Variants in TUBAL3 observed in about 807,000 individuals in gnomAD.
TUBAL3 encodes the protein tubulin alpha chain-like 3.
A neutral mutation model predicts 15.5 loss-of-function variants in TUBAL3; 16 were observed. That is an observed-to-expected ratio of 1.04 (90% CI 0.70 to 1.57). TUBAL3 has a LOEUF of 1.57. Among genes scored for constraint, TUBAL3 ranks in the 40% most tolerant of loss-of-function variants. The pLI, the probability that TUBAL3 is intolerant of heterozygous loss-of-function variation, is 0.00. For missense variants in TUBAL3, 609 were observed against 576.2 expected, an observed-to-expected ratio of 1.06 and a Z score of -0.58; for synonymous variants, 238 against 224.3, an observed-to-expected ratio of 1.06 and a Z score of -0.55.
At position 5,397,697 on chromosome 10, in the gene TUBAL3, C is replaced by T. The variant is rs781948598; in HGVS notation, c.248-2222G>A. On this transcript the variant is annotated intron_variant, in intron 2 of 3. Transcript: ENST00000380419. The surrounding 1 kb of genome is among the most constrained non-coding windows in gnomAD (Gnocchi z 4.9). ...GACATCAATGGCTTTTGAACAATTA[C>T]ATGATGGCTCCTTAGCTTCCTTAAC... 1.3e-5 allele frequency among the ~76,000 whole-genome samples: 2 copies of T among 152,180 alleles called. No individual in the cohort carries two copies. Among genetic ancestry groups the T allele is most frequent in the South Asian group, 2.1e-4 (1 of 4,834 alleles).
At position 5,395,078 on chromosome 10, in the gene TUBAL3, A is replaced by G. The variant is rs1831742660; in HGVS notation, c.396+249T>C. On this transcript the variant is annotated intron_variant, in intron 3 of 3. Transcript: ENST00000380419. The surrounding 1 kb of genome is among the most constrained non-coding windows in gnomAD (Gnocchi z 4.6). ...CTCGTAACAAGATGAACCCTGTGTTAGGAGAACCAGGGATGATCAGGTGAT... is the reference window on the plus strand; with the variant it reads ...CTCGTAACAAGATGAACCCTGTGTTGGGAGAACCAGGGATGATCAGGTGAT... 6.6e-6 allele frequency among the ~76,000 whole-genome samples: 1 copy of G among 152,240 alleles called. No individual in the cohort carries two copies. The highest frequency in any genetic ancestry group is 2.4e-5 in the African/African-American group (1 of 41,458).
chr10:5,404,721 C>T (rs913201638), intron 1 of TUBAL3, 69 bp downstream of exon 1: 13 of 1,497,074 alleles, frequency 8.7e-6, no homozygotes, highest in African/African-American at 1.4e-5. Flanking sequence ...GAATTGTTTG[C>T]TGTGGGAAAA....
chr10:5,399,839 A>G (rs1387689339), intron 2 of TUBAL3, among the ~76,000 whole-genome samples: 1 of 152,204 alleles, frequency 6.6e-6, no homozygotes, highest in Non-Finnish European at 1.5e-5. Flanking sequence ...CTGGTACCAC[A>G]TGGAGCACAG....
chr10:5,393,445 T>A lies in TUBAL3; in HGVS notation c.*72A>T, dbSNP rs929940295. The stretch of plus-strand genomic sequence containing the variant: ...TCTGCTCATCAGGGGAACTACCCAC[T>A]AGGCATATAACGGCTTGAAAAGAAA... On this transcript the variant is annotated 3_prime_UTR_variant, in exon 4 of 4. Coordinates refer to ENST00000380419, the MANE Select transcript of TUBAL3 (RefSeq NM_024803.3). 5.9e-6 allele frequency: 8 copies of A among 1,362,996 alleles called. No homozygotes were observed. The highest frequency in any genetic ancestry group is 7.0e-6 in the Non-Finnish European group (7 of 1,000,632). 84.4% of individuals were successfully genotyped at this position (1,362,996 alleles called of 1,614,324 possible). A position where few individuals can be genotyped will look rare whatever the true frequency, so the allele number is the denominator to read the frequency against.
At chr10:5,402,939 A>C (rs1465116828) in intron 1 of TUBAL3, among the ~76,000 whole-genome samples, 1 of 152,224 alleles carries the variant, frequency 6.6e-6, no homozygotes, top group Non-Finnish European at 1.5e-5. Context: ...ACAGACCACT[A>C]GTCAGAGGAA....
chr10:5,395,376 G>A lies in TUBAL3; in HGVS notation c.347C>T (p.Ser116Phe). 1.2e-6 allele frequency: 2 copies of A among 1,605,932 alleles called. No homozygotes were observed. The highest frequency in any genetic ancestry group is 1.7e-6 in the Non-Finnish European group (2 of 1,175,116). The change falls in exon 3 of 4, where the codon TCT (serine) becomes TTT (phenylalanine). Residue 116 changes from serine (S) to phenylalanine (F), a missense_variant. Ser to Phe is a radical substitution (Grantham distance 155). Transcript: ENST00000380419. The surrounding 1 kb of genome is among the most constrained non-coding windows in gnomAD (Gnocchi z 4.6). ...AANNYARGRY[S>F]VGSEVIDLVL... ...AAGGTCGATGACCTCCGACCCCACA[G>A]AGTAACGGCCTCGCGCGTAATTGTT...
In TUBAL3 at chr10:5,393,811, C is replaced by G. The variant is rs1554813761; in HGVS notation, c.1047G>C (p.Gln349His). 2 of 1,614,230 alleles carry G rather than the reference C, an allele frequency of 1.2e-6. No homozygotes were observed. The change falls in exon 4 of 4, where the codon CAG (glutamine) becomes CAC (histidine). Residue 349 changes from glutamine (Q) to histidine (H), a missense_variant. Physicochemically the swap from Gln to His is conservative, Grantham distance 24. Transcript: ENST00000380419. ...AACCAGTTGGACACCAATCTACAAA[C>G]TGAACAGAGTGCCTCGACTTCGTGG... is the stretch of plus-strand genomic sequence containing the variant. ...IAATKSRHSV[Q>H]FVDWCPTGFK... is the part of the protein sequence containing the mutation.
rs1432646366 is a variant in TUBAL3 at position 5,404,662 on chromosome 10, AAC to A, written c.3+126_3+127del. 4.0e-6 allele frequency: 4 copies of A among 1,009,670 alleles called. No homozygotes were observed. The African/African-American group carries it at 6.4e-5, about 16-fold the overall frequency. The allele number at this position is 1,009,670 out of a possible 1,614,324, so 62.5% of individuals were successfully genotyped here. ...ACTCATCTACTTGGACATTGAAAGA[AAC>A]AAATGTTTCTTTACAAATGTCTTCT... On this transcript the variant is annotated intron_variant, in intron 1 of 3. Transcript: ENST00000380419.
In TUBAL3 at chr10:5,395,428, G is replaced by A. The variant is rs1554814039; in HGVS notation, c.295C>T (p.Leu99Phe). The A allele has an allele frequency of 6.2e-7, 1 of 1,604,088 alleles. No individual in the cohort carries two copies. The highest frequency in any genetic ancestry group is 8.5e-7 in the Non-Finnish European group (1 of 1,174,064). The change falls in exon 3 of 4, where the codon CTC becomes TTC. Residue 99 changes from leucine (L) to phenylalanine (F), a missense_variant. Physicochemically the swap from Leu to Phe is conservative, Grantham distance 22 (BLOSUM62 0). Transcript: ENST00000380419. This position sits in a 1 kb window ranked among gnomAD's most constrained non-coding sequence, Gnocchi z 4.6. Reference protein sequence around the residue: ...QHRSLFHPEQLLSGKEDAANN... With the variant: ...QHRSLFHPEQFLSGKEDAANN... ...GCAGCATCCTCCTTTCCGCTAAGGAGCTGCTCGGGGTGGAAGAGTGAACGG... is the reference window on the plus strand; with the variant it reads ...GCAGCATCCTCCTTTCCGCTAAGGAACTGCTCGGGGTGGAAGAGTGAACGG...
At chr10:5,402,866 T>C (rs1456584780) in intron 1 of TUBAL3, among the ~76,000 whole-genome samples, 1 of 152,196 alleles carries the variant, frequency 6.6e-6, no homozygotes, top group Non-Finnish European at 1.5e-5. Flanking sequence ...GCCGACTCCA[T>C]GGAAAAATTG....
rs935452352 is a variant in TUBAL3, at chr10:5,396,434, A to G, written c.248-959T>C. 6.6e-6 allele frequency among the ~76,000 whole-genome samples: 1 copy of G among 152,128 alleles called. No homozygotes were observed. The highest frequency in any genetic ancestry group is 2.4e-5 in the African/African-American group (1 of 41,436). On this transcript the variant is annotated intron_variant, in intron 2 of 3. Transcript: ENST00000380419. This position sits in a 1 kb window ranked among gnomAD's most constrained non-coding sequence, Gnocchi z 5.1. ...TGAGGCAGGAGAATCACTTCAACCC[A>G]GGAGGTTGCAGTGAGTGGAGATCAC...
chr10:5,393,897 C>A lies in TUBAL3; in HGVS notation c.961G>T (p.Ala321Ser). 1 of 1,614,216 alleles carries A rather than the reference C, an allele frequency of 6.2e-7. No individual in the cohort carries two copies. The highest frequency in any genetic ancestry group is 8.5e-7 in the Non-Finnish European group (1 of 1,180,042). Residue 321 changes from alanine to serine, a missense_variant, in exon 4 of 4, where the codon GCC becomes TCC. Physicochemically the swap from Ala to Ser is moderately conservative, Grantham distance 99. Coordinates refer to ENST00000380419, the MANE Select transcript of TUBAL3 (RefSeq NM_024803.3). ...TCCCCTCTATAGAGTAGGCAGCAGGCCATGTACTTCCCAAGCCGAGGATCA... is the reference window on the plus strand; with the variant it reads ...TCCCCTCTATAGAGTAGGCAGCAGGACATGTACTTCCCAAGCCGAGGATCA... ...KCDPRLGKYM[A>S]CCLLYRGDVV...
rs1263829211 is a variant in TUBAL3 at position 5,394,230 on chromosome 10, T to C, written c.628A>G (p.Met210Val). 1.9e-6 allele frequency: 3 copies of C among 1,614,124 alleles called. No homozygotes were observed. Among genetic ancestry groups the C allele is most frequent in the Non-Finnish European group, 2.5e-6 (3 of 1,180,026 alleles). ...STTEHTDCTF[M>V]VDNEAVYDIC... Reference sequence around the variant, plus strand: ...TCATAGACGGCCTCGTTGTCCACCATGAAGGTACAGTCCGTGTGCTCTGTG... The same window carrying C: ...TCATAGACGGCCTCGTTGTCCACCACGAAGGTACAGTCCGTGTGCTCTGTG... Residue 210 changes from methionine (M) to valine (V), a missense_variant, in exon 4 of 4, where the codon ATG (methionine) becomes GTG (valine). Transcript: ENST00000380419. This position sits in a 1 kb window ranked among gnomAD's most constrained non-coding sequence, Gnocchi z 4.3.
chr10:5,402,137 G>C (rs1831863278), intron 1 of TUBAL3, among the ~76,000 whole-genome samples: 1 of 152,166 alleles, frequency 6.6e-6, no homozygotes, highest in Admixed American at 6.5e-5. Flanking sequence ...ATTAAGTTTA[G>C]TAATATCTGG....
rs79010590 is a variant in TUBAL3, at chr10:5,397,205, G to A, written c.248-1730C>T. On this transcript the variant is annotated intron_variant, in intron 2 of 3. Coordinates refer to ENST00000380419, the MANE Select transcript of TUBAL3 (RefSeq NM_024803.3). The surrounding 1 kb of genome is among the most constrained non-coding windows in gnomAD (Gnocchi z 4.9). ...TTGTGTTTCTGTTTAATAAGAGCAC[G>A]ATTGTTTTTCAATTCACCGTGCCTT... 0.062 allele frequency among the ~76,000 whole-genome samples: 9,498 copies of A among 152,198 alleles called. 334 individuals carry two copies. Among genetic ancestry groups the A allele is most frequent in the South Asian group, 0.17 (840 of 4,820 alleles).
intron 2 of TUBAL3, among the ~76,000 whole-genome samples, chr10:5,399,376 G>A (rs1416687354): frequency 6.6e-6 from 1 of 152,180 alleles, no homozygotes; most frequent in African/African-American, 2.4e-5. Flanking sequence ...TGGGATTAGG[G>A]CCCTTATAAG....
At chr10:5,399,852 G>A (rs1047046682) in intron 2 of TUBAL3, among the ~76,000 whole-genome samples, 3 of 152,150 alleles carry the variant, frequency 2.0e-5, no homozygotes, top group South Asian at 4.1e-4. Context: ...GAGCACAGGC[G>A]AGCTGTCACC....
Position 5,394,576 on chromosome 10 carries a change from C to A in TUBAL3, c.397-115G>T, listed in dbSNP as rs1273189295. The A allele has an allele frequency of 1.1e-6, 1 of 918,928 alleles. No homozygotes were observed. Among genetic ancestry groups the A allele is most frequent in the Admixed American group, 2.9e-5 (1 of 34,710 alleles). The allele number at this position is 918,928 out of a possible 1,614,324, so 56.9% of individuals were successfully genotyped here. ...CCAAAACAAAATCTTTCAGAAAGGA[C>A]TCCTTTGCCTTTGTTAACTCCACAA... is the stretch of plus-strand genomic sequence containing the variant. On this transcript the variant is annotated intron_variant, in intron 3 of 3. Coordinates refer to ENST00000380419, the MANE Select transcript of TUBAL3 (RefSeq NM_024803.3). The surrounding 1 kb of genome is among the most constrained non-coding windows in gnomAD (Gnocchi z 4.3).
rs782768756 is a variant in TUBAL3, at chr10:5,395,292, C to T, written c.396+35G>A. 18 of 1,460,168 alleles carry T rather than the reference C, an allele frequency of 1.2e-5. No individual in the cohort carries two copies. Among genetic ancestry groups the T allele is most frequent in the Non-Finnish European group, 1.6e-5 (17 of 1,093,682 alleles). 90.5% of individuals were successfully genotyped at this position (1,460,168 alleles called of 1,614,324 possible). On this transcript the variant is annotated intron_variant, in intron 3 of 3. Transcript: ENST00000380419. This position sits in a 1 kb window ranked among gnomAD's most constrained non-coding sequence, Gnocchi z 4.6. ...GCCGCAGGACCCCACATGCCCCAGG[C>T]ACAGCCCACTCGGAGGAGAGGGGGA...
Sources: allele counts gnomAD v4.1 joint callset (sites outside exome capture counted in the v4.1 genomes callset), GRCh38; gene constraint gnomAD v4.1.1; non-coding constraint Gnocchi (gnomAD v3.1); transcripts MANE v1.5; gene names NCBI Gene and HGNC (gene_info 2026-07-23, HGNC 2026-07-21).